OR10Z1: variants seen among roughly 807,000 people sequenced by gnomAD.
OR10Z1 encodes olfactory receptor family 10 subfamily Z member 1, also known as olfactory receptor 10Z1.
For synonymous variants in OR10Z1, 187 were observed against 151.2 expected, an observed-to-expected ratio of 1.24 and a Z score of -1.74; for missense variants, 468 against 371.0, an observed-to-expected ratio of 1.26 and a Z score of -2.15.
At position 158,611,506 on chromosome 1, in the gene OR10Z1, C is replaced by T; in HGVS notation, c.*4126C>T. On this transcript the variant is annotated 3_prime_UTR_variant, in exon 2 of 2. Coordinates refer to ENST00000641002, the MANE Select transcript of OR10Z1 (RefSeq NM_001004478.2). The stretch of plus-strand genomic sequence containing the variant: ...ATGGAGAGTCTCTGGAAGACGCAAG[C>T]CCTATTTCTATTACACACAATTTTT... 1 of 1,194,644 alleles carries T rather than the reference C, an allele frequency of 8.4e-7. No homozygotes were observed. The highest frequency in any genetic ancestry group is 1.2e-6 in the Non-Finnish European group (1 of 840,360). 74.0% of individuals were successfully genotyped at this position (1,194,644 alleles called of 1,614,324 possible). A position where few individuals can be genotyped will look rare whatever the true frequency, so the allele number is the denominator to read the frequency against.
Position 158,606,893 on chromosome 1 carries a change from G to T in OR10Z1, c.455G>T (p.Gly152Val). 6.2e-7 allele frequency: 1 copy of T among 1,613,962 alleles called. No individual in the cohort carries two copies. The highest frequency in any genetic ancestry group is 1.1e-5 in the South Asian group (1 of 91,074). Reference sequence around the variant, plus strand: ...CTGGTCATTACTTCCTTCCTGACTGGATACCTCTTTGGACTGGGAATGACA... The same window carrying T: ...CTGGTCATTACTTCCTTCCTGACTGTATACCTCTTTGGACTGGGAATGACA... ...AQLVITSFLT[G>V]YLFGLGMTLV... Residue 152 changes from glycine to valine, a missense_variant, in exon 2 of 2, where the codon GGA becomes GTA. Transcript: ENST00000641002.
chr1:158,611,185 C>T lies in OR10Z1; in HGVS notation c.*3805C>T. 3.3e-6 allele frequency: 5 copies of T among 1,538,410 alleles called. No homozygotes were observed. The highest frequency in any genetic ancestry group is 2.2e-5 in the South Asian group (2 of 89,028). ...CACACACGAGGCCATCTTTATCTTC[C>T]ACATTTGCCTGTACTCTTTGCCCCC... On this transcript the variant is annotated 3_prime_UTR_variant, in exon 2 of 2. Transcript: ENST00000641002.
In OR10Z1 at chr1:158,611,406, G is replaced by T. The variant is rs771711044; in HGVS notation, c.*4026G>T. 6.2e-7 allele frequency: 1 copy of T among 1,612,998 alleles called. No individual in the cohort carries two copies. The highest frequency in any genetic ancestry group is 8.5e-7 in the Non-Finnish European group (1 of 1,179,302). On this transcript the variant is annotated 3_prime_UTR_variant, in exon 2 of 2. Coordinates refer to ENST00000641002, the MANE Select transcript of OR10Z1 (RefSeq NM_001004478.2). ...GGTAAGGGCCTGAAAAGTATAAAAAGAGAAAAATACAGTTATAGGGATTCA... is the reference window on the plus strand; with the variant it reads ...GGTAAGGGCCTGAAAAGTATAAAAATAGAAAAATACAGTTATAGGGATTCA...
rs1416354875 is a variant in OR10Z1, at chr1:158,607,372, A to G, written c.934A>G (p.Lys312Glu). The change falls in exon 2 of 2, where the codon AAA becomes GAA. Residue 312 changes from lysine to glutamate, a missense_variant. Physicochemically the swap from Lys to Glu is moderately conservative, Grantham distance 56. Coordinates refer to ENST00000641002, the MANE Select transcript of OR10Z1 (RefSeq NM_001004478.2). Reference protein sequence around the residue: ...RNAFRGRLLGKG With the variant: ...RNAFRGRLLGEG ...TGCTTTCAGAGGGAGATTGCTGGGT[A>G]AAGGATGAAGGTTACCCCAATAGGA... 2 of 1,612,202 alleles carry G rather than the reference A, an allele frequency of 1.2e-6. No individual in the cohort carries two copies. The highest frequency in any genetic ancestry group is 1.7e-6 in the Non-Finnish European group (2 of 1,178,746).
Position 158,612,293 on chromosome 1 carries a change from C to T in OR10Z1, c.*4913C>T, listed in dbSNP as rs1649301851. On this transcript the variant is annotated 3_prime_UTR_variant, in exon 2 of 2. Transcript: ENST00000641002. Reference sequence around the variant, plus strand: ...CACCCTGTGTTAATCATAGATGATACTTTCCCTGATGCAAGTATTTTAAGG... The same window carrying T: ...CACCCTGTGTTAATCATAGATGATATTTTCCCTGATGCAAGTATTTTAAGG... 1 of 183,354 alleles carries T rather than the reference C, an allele frequency of 5.5e-6. No homozygotes were observed. The allele number at this position is 183,354 out of a possible 1,614,324, so 11.4% of individuals were successfully genotyped here. A position where few individuals can be genotyped will look rare whatever the true frequency, so the allele number is the denominator to read the frequency against.
Position 158,606,797 on chromosome 1 carries a change from T to C in OR10Z1, c.359T>C (p.Phe120Ser). The change falls in exon 2 of 2, where the codon TTT becomes TCT. Residue 120 changes from phenylalanine to serine, a missense_variant. Coordinates refer to ENST00000641002, the MANE Select transcript of OR10Z1 (RefSeq NM_001004478.2). Reference sequence around the variant, plus strand: ...TGCTTCCTTCTGGCTGCCATGGGCTTTGACAGATATGTGGCCATCTGTGCT... The same window carrying C: ...TGCTTCCTTCTGGCTGCCATGGGCTCTGACAGATATGTGGCCATCTGTGCT... ...TNCFLLAAMG[F>S]DRYVAICAPL... is the part of the protein sequence containing the mutation. 6.2e-7 allele frequency: 1 copy of C among 1,614,066 alleles called. No individual in the cohort carries two copies. The highest frequency in any genetic ancestry group is 1.6e-4 in the Middle Eastern group (1 of 6,062).
In OR10Z1 at chr1:158,608,456, A is replaced by G. The variant is rs1399524180; in HGVS notation, c.*1076A>G. The G allele has an allele frequency of 6.6e-6, 1 of 152,152 alleles. No homozygotes were observed. Among genetic ancestry groups the G allele is most frequent in the African/African-American group, 2.4e-5 (1 of 41,422 alleles). 9.4% of individuals were successfully genotyped at this position (152,152 alleles called of 1,614,324 possible). On this transcript the variant is annotated 3_prime_UTR_variant, in exon 2 of 2. Coordinates refer to ENST00000641002, the MANE Select transcript of OR10Z1 (RefSeq NM_001004478.2). ...TTCAGCTTCCGAGTCTTATCTTTACAATGGTTGGTGACTAAACAGGATCAT... is the reference window on the plus strand; with the variant it reads ...TTCAGCTTCCGAGTCTTATCTTTACGATGGTTGGTGACTAAACAGGATCAT...
In OR10Z1 at chr1:158,611,277, T is replaced by C. The variant is rs372942217; in HGVS notation, c.*3897T>C. The C allele has an allele frequency of 9.2e-5, 149 of 1,613,512 alleles. No homozygotes were observed. Among genetic ancestry groups the C allele is most frequent in the Non-Finnish European group, 1.1e-4 (131 of 1,179,726 alleles). ...AGGAGCTGCTTATTAGTTGCCAAAGTAGGAATTGGTGAAGCCAACGTAGTC... is the reference window on the plus strand; with the variant it reads ...AGGAGCTGCTTATTAGTTGCCAAAGCAGGAATTGGTGAAGCCAACGTAGTC... On this transcript the variant is annotated 3_prime_UTR_variant, in exon 2 of 2. Transcript: ENST00000641002.
Position 158,606,966 on chromosome 1 carries a change from C to T in OR10Z1, c.528C>T (p.His176=). 1.2e-6 allele frequency: 2 copies of T among 1,614,080 alleles called. No individual in the cohort carries two copies. The highest frequency in any genetic ancestry group is 1.7e-6 in the Non-Finnish European group (2 of 1,179,978). ...TCTGCAGCTCCCATGAAATCCAGCACTTTTTTTGTGACACGCCACCTGTGC... is the reference window on the plus strand; with the variant it reads ...TCTGCAGCTCCCATGAAATCCAGCATTTTTTTTGTGACACGCCACCTGTGC... ...LSFCSSHEIQ[H]FFCDTPPVLS... is the part of the protein sequence containing the mutation. The change falls in exon 2 of 2, where the codon CAC becomes CAT. Residue 176 remains histidine, a synonymous_variant. Transcript: ENST00000641002.
In OR10Z1 at chr1:158,611,808, T is replaced by C. The variant is rs1649276220; in HGVS notation, c.*4428T>C. 1 of 188,334 alleles carries C rather than the reference T, an allele frequency of 5.3e-6. No homozygotes were observed. The highest frequency in any genetic ancestry group is 1.1e-5 in the Non-Finnish European group (1 of 91,868). 11.7% of individuals were successfully genotyped at this position (188,334 alleles called of 1,614,324 possible). A position where few individuals can be genotyped will look rare whatever the true frequency, so the allele number is the denominator to read the frequency against. ...CACCAGTGGTTACACTGCCAGAAAG[T>C]GGTAGAGCTGGGACTTGAACCTATG... On this transcript the variant is annotated 3_prime_UTR_variant, in exon 2 of 2. Coordinates refer to ENST00000641002, the MANE Select transcript of OR10Z1 (RefSeq NM_001004478.2).
rs1296643672 is a variant in OR10Z1 at position 158,606,663 on chromosome 1, G to T, written c.225G>T (p.Leu75Phe). 6.2e-7 allele frequency: 1 copy of T among 1,613,964 alleles called. No homozygotes were observed. Among genetic ancestry groups the T allele is most frequent in the Non-Finnish European group, 8.5e-7 (1 of 1,179,942 alleles). Residue 75 changes from leucine (L) to phenylalanine (F), a missense_variant, in exon 2 of 2, where the codon TTG becomes TTT. Transcript: ENST00000641002. The stretch of plus-strand genomic sequence containing the variant: ...CCTTCTCTGAGACCTGCTACACTTT[G>T]GGCATCATCCCTAGAATGCTCTCTG... ...FLSFSETCYTLGIIPRMLSGL... is the reference protein window; with the variant it reads ...FLSFSETCYTFGIIPRMLSGL...
Position 158,607,074 on chromosome 1 carries a change from C to G in OR10Z1, c.636C>G (p.Phe212Leu), listed in dbSNP as rs1439972071. 4 of 1,614,076 alleles carry G rather than the reference C, an allele frequency of 2.5e-6. No individual in the cohort carries two copies. The highest frequency in any genetic ancestry group is 3.4e-6 in the Non-Finnish European group (4 of 1,179,980). ...LSLLVLLVSF[F>L]FITISYAYIL... Reference sequence around the variant, plus strand: ...TTTTGGTCCTCTTGGTCTCCTTCTTCTTCATCACCATCTCCTACGCCTACA... The same window carrying G: ...TTTTGGTCCTCTTGGTCTCCTTCTTGTTCATCACCATCTCCTACGCCTACA... The change falls in exon 2 of 2, where the codon TTC (phenylalanine) becomes TTG (leucine). Residue 212 changes from phenylalanine (F) to leucine (L), a missense_variant. Coordinates refer to ENST00000641002, the MANE Select transcript of OR10Z1 (RefSeq NM_001004478.2).
In OR10Z1 at chr1:158,606,604, C is replaced by A. The variant is rs116792162; in HGVS notation, c.166C>A (p.His56Asn). 1.2e-3 allele frequency: 1,867 copies of A among 1,614,066 alleles called. 19 individuals are homozygous for A. In the African/African-American group the frequency reaches 0.022, roughly 19 times the overall value. Reference protein sequence around the residue: ...IIAIRLDSHLHTPMYLFLSFL... With the variant: ...IIAIRLDSHLNTPMYLFLSFL... ...AGCCATCAGGCTGGATAGCCATCTG[C>A]ACACCCCCATGTACCTCTTCCTTTC... The change falls in exon 2 of 2, where the codon CAC becomes AAC. Residue 56 changes from histidine to asparagine, a missense_variant. His to Asn is a moderately conservative substitution (Grantham distance 68). Coordinates refer to ENST00000641002, the MANE Select transcript of OR10Z1 (RefSeq NM_001004478.2).
chr1:158,609,069 A>G lies in OR10Z1; in HGVS notation c.*1689A>G, dbSNP rs1649136016. On this transcript the variant is annotated 3_prime_UTR_variant, in exon 2 of 2. Transcript: ENST00000641002. The stretch of plus-strand genomic sequence containing the variant: ...AAGGCAAAGAGGCTTGAATATGGAT[A>G]GTGACATTCAGAGACTGAAGGAAAT... 6.6e-6 allele frequency: 1 copy of G among 152,168 alleles called. No homozygotes were observed. The highest frequency in any genetic ancestry group is 6.6e-5 in the Admixed American group (1 of 15,266). 9.4% of individuals were successfully genotyped at this position (152,168 alleles called of 1,614,324 possible). A position where few individuals can be genotyped will look rare whatever the true frequency, so the allele number is the denominator to read the frequency against.
chr1:158,606,399 G>A lies in OR10Z1; in HGVS notation c.-40G>A, dbSNP rs763309846. The A allele has an allele frequency of 1.5e-6, 2 of 1,323,010 alleles. No homozygotes were observed. Among genetic ancestry groups the A allele is most frequent in the Non-Finnish European group, 2.1e-6 (2 of 940,354 alleles). The allele number at this position is 1,323,010 out of a possible 1,614,324, so 82.0% of individuals were successfully genotyped here. A position where few individuals can be genotyped will look rare whatever the true frequency, so the allele number is the denominator to read the frequency against. On this transcript the variant is annotated 5_prime_UTR_variant, in exon 2 of 2. Coordinates refer to ENST00000641002, the MANE Select transcript of OR10Z1 (RefSeq NM_001004478.2). ...GAAGTTAGGCATCTACTGGCAAGGTGGAAGAAATCAACAAATCTATCAGGG... is the reference window on the plus strand; with the variant it reads ...GAAGTTAGGCATCTACTGGCAAGGTAGAAGAAATCAACAAATCTATCAGGG...
Position 158,611,427 on chromosome 1 carries a change from A to T in OR10Z1, c.*4047A>T. 6.2e-7 allele frequency: 1 copy of T among 1,611,704 alleles called. No individual in the cohort carries two copies. The highest frequency in any genetic ancestry group is 8.5e-7 in the Non-Finnish European group (1 of 1,178,592). On this transcript the variant is annotated 3_prime_UTR_variant, in exon 2 of 2. Coordinates refer to ENST00000641002, the MANE Select transcript of OR10Z1 (RefSeq NM_001004478.2). ...AAAAGAGAAAAATACAGTTATAGGG[A>T]TTCAAAATAGCTGGTTCCTTGGGGC...
intron 1 of OR10Z1, among the ~76,000 whole-genome samples, chr1:158,605,859 C>T (rs1364057394): frequency 6.6e-6 from 1 of 152,150 alleles, no homozygotes. Flanking sequence ...CCCCACCTCC[C>T]CACAAAGTTC....
Position 158,606,960 on chromosome 1 carries a change from C to T in OR10Z1, c.522C>T (p.Ile174=). 1 of 1,614,078 alleles carries T rather than the reference C, an allele frequency of 6.2e-7. No homozygotes were observed. The highest frequency in any genetic ancestry group is 1.3e-5 in the African/African-American group (1 of 75,040). The change falls in exon 2 of 2, where the codon ATC becomes ATT. Residue 174 remains isoleucine (I), a synonymous_variant. Coordinates refer to ENST00000641002, the MANE Select transcript of OR10Z1 (RefSeq NM_001004478.2). ...FHLSFCSSHE[I]QHFFCDTPPV... is the part of the protein sequence containing the mutation. ...TCTCATTCTGCAGCTCCCATGAAAT[C>T]CAGCACTTTTTTTGTGACACGCCAC...
Position 158,609,074 on chromosome 1 carries a change from C to T in OR10Z1, c.*1694C>T, listed in dbSNP as rs1409624432. The T allele has an allele frequency of 1.3e-5, 2 of 151,998 alleles. No individual in the cohort carries two copies. Among genetic ancestry groups the T allele is most frequent in the Non-Finnish European group, 1.5e-5 (1 of 67,992 alleles). 9.4% of individuals were successfully genotyped at this position (151,998 alleles called of 1,614,324 possible). On this transcript the variant is annotated 3_prime_UTR_variant, in exon 2 of 2. Coordinates refer to ENST00000641002, the MANE Select transcript of OR10Z1 (RefSeq NM_001004478.2). ...AAAGAGGCTTGAATATGGATAGTGA[C>T]ATTCAGAGACTGAAGGAAATCACAA...
Sources: gnomAD v4.1 joint callset for allele counts (sites outside exome capture counted in the v4.1 genomes callset) on GRCh38, gnomAD v4.1.1 for gene constraint, MANE v1.5 for transcripts, NCBI Gene and HGNC (gene_info 2026-07-23, HGNC 2026-07-21) for gene names.